STAT1: variants seen among roughly 807,000 people sequenced by gnomAD.
The protein encoded by STAT1 is signal transducer and activator of transcription 1.
In STAT1, 24 loss-of-function variants were observed where a neutral mutation model predicts 111.7. The observed-to-expected ratio is 0.21, with a 90% confidence interval of 0.16 to 0.30. The LOEUF (loss-of-function observed/expected upper bound fraction) is 0.30, where lower values mean the gene tolerates loss of function less well. Among genes scored for constraint, STAT1 ranks in the 10% least tolerant of loss-of-function variants. The probability of loss-of-function intolerance (pLI) is 1.00; values close to 1 mark genes in which losing one functional copy is unlikely to be tolerated. For synonymous variants in STAT1, 332 were observed against 326.5 expected (o/e 1.02, Z -0.18); for missense variants, 351 against 911.9 (o/e 0.38, Z 7.92).
Position 190,996,642 on chromosome 2 carries a change from T to C in STAT1, c.785+1214A>G, listed in dbSNP as rs998554480. On this transcript the variant is annotated intron_variant, in intron 9 of 24. Transcript: ENST00000361099. This position sits in a 1 kb window ranked among gnomAD's most constrained non-coding sequence, Gnocchi z 4.5. ...TGGGGTGCACTGGGCTCAGAAGCTC[T>C]GCTCTAACCCACAAGAAATCTGGGG... Among the ~76,000 whole-genome samples the C allele has an allele frequency of 2.6e-5, 4 of 152,218 alleles. No individual in the cohort carries two copies. The highest frequency in any genetic ancestry group is 2.0e-4 in the Admixed American group (3 of 15,286).
chr2:190,992,457 G>C (rs115286548), intron 10 of STAT1, among the ~76,000 whole-genome samples: 188 of 152,002 alleles, frequency 1.2e-3, no homozygotes, highest in African/African-American at 4.2e-3. Flanking sequence ...GAAGTTAGCT[G>C]TCTTGAGTCA....
Position 190,974,699 on chromosome 2 carries a change from A to G in STAT1, c.2238+131T>C. On this transcript the variant is annotated intron_variant, in intron 24 of 24. Transcript: ENST00000361099. This position sits in a 1 kb window ranked among gnomAD's most constrained non-coding sequence, Gnocchi z 4.8. ...GCTCCAACTTGTCATGGCTCATCTG[A>G]GCACTGCACTCTCCTTGGCTCCGCC... 1.3e-6 allele frequency: 1 copy of G among 779,192 alleles called. No individual in the cohort carries two copies. Among genetic ancestry groups the G allele is most frequent in the East Asian group, 2.6e-5 (1 of 38,182 alleles). The allele number at this position is 779,192 out of a possible 1,614,324, so 48.3% of individuals were successfully genotyped here.
rs1693830313 is a variant in STAT1, at chr2:190,996,039, G to T, written c.786-820C>A. On this transcript the variant is annotated intron_variant, in intron 9 of 24. Transcript: ENST00000361099. The surrounding 1 kb of genome is among the most constrained non-coding windows in gnomAD (Gnocchi z 4.5). ...CAGGACCAGTCAGAGATGTGGGGCA[G>T]AGGGGCAGGAGGAGAGACAGAGATG... Among the ~76,000 whole-genome samples, 2 of 152,272 alleles carry T rather than the reference G, an allele frequency of 1.3e-5. No individual in the cohort carries two copies. The highest frequency in any genetic ancestry group is 4.8e-5 in the African/African-American group (2 of 41,562).
chr2:190,998,152 C>T lies in STAT1; in HGVS notation c.633+65G>A. ...GCTATAATTTTTCCTCTCTTCTAAA[C>T]TTTGAGTCCATTATTTACAGTGTAT... On this transcript the variant is annotated intron_variant, in intron 8 of 24. Coordinates refer to ENST00000361099, the MANE Select transcript of STAT1 (RefSeq NM_007315.4). The surrounding 1 kb of genome is among the most constrained non-coding windows in gnomAD (Gnocchi z 4.1). 1.3e-6 allele frequency: 2 copies of T among 1,571,552 alleles called. No homozygotes were observed. The highest frequency in any genetic ancestry group is 1.8e-6 in the Non-Finnish European group (2 of 1,142,638).
At position 190,986,485 on chromosome 2, in the gene STAT1, C is replaced by G. The variant is rs942766962; in HGVS notation, c.1221+369G>C. On this transcript the variant is annotated intron_variant, in intron 14 of 24. Transcript: ENST00000361099. This position sits in a 1 kb window ranked among gnomAD's most constrained non-coding sequence, Gnocchi z 5.0. Reference sequence around the variant, plus strand: ...GAACACGGGGGCTGAGGAGTGAACCCTGGTGTACAGGACCACACTTGGATC... The same window carrying G: ...GAACACGGGGGCTGAGGAGTGAACCGTGGTGTACAGGACCACACTTGGATC... Among the ~76,000 whole-genome samples, 1 of 152,156 alleles carries G rather than the reference C, an allele frequency of 6.6e-6. No homozygotes were observed.
chr2:190,999,477 G>C lies in STAT1; in HGVS notation c.541+149C>G, dbSNP rs1353166117. 1 of 689,232 alleles carries C rather than the reference G, an allele frequency of 1.5e-6. No homozygotes were observed. The highest frequency in any genetic ancestry group is 1.8e-5 in the African/African-American group (1 of 56,012). The allele number at this position is 689,232 out of a possible 1,614,324, so 42.7% of individuals were successfully genotyped here. The stretch of plus-strand genomic sequence containing the variant: ...ATTAGCCCGAAATGTCAATAATATT[G>C]GATGTTGAGAAGCCCTGGCCTGGGT... On this transcript the variant is annotated intron_variant, in intron 7 of 24. Transcript: ENST00000361099. The surrounding 1 kb of genome is among the most constrained non-coding windows in gnomAD (Gnocchi z 4.1).
In STAT1 at chr2:191,003,721, TA is replaced by T. The variant is rs1420121846; in HGVS notation, c.373-2559del. Among the ~76,000 whole-genome samples the T allele has an allele frequency of 7.2e-5, 11 of 152,162 alleles. No individual in the cohort carries two copies. The highest frequency in any genetic ancestry group is 3.3e-4 in the Admixed American group (5 of 15,286). ...ACAGCCTGCAGAACCATAAGTCAATTAAACCTCTTTTCTTATAAATTACCCA... is the reference window on the plus strand; with the variant it reads ...ACAGCCTGCAGAACCATAAGTCAATTAACCTCTTTTCTTATAAATTACCCA... On this transcript the variant is annotated intron_variant, in intron 5 of 24. Coordinates refer to ENST00000361099, the MANE Select transcript of STAT1 (RefSeq NM_007315.4). The surrounding 1 kb of genome is among the most constrained non-coding windows in gnomAD (Gnocchi z 4.0).
chr2:190,975,652 AATGCT>A lies in STAT1; in HGVS notation c.2135+155_2135+159del. Reference sequence around the variant, plus strand: ...TTTTTTTTTTTTTTTAAAGTAGTAAAATGCTGATAGGCAGTAACACGGGGATCTCA... The same window carrying A: ...TTTTTTTTTTTTTTTAAAGTAGTAAAGATAGGCAGTAACACGGGGATCTCA... On this transcript the variant is annotated intron_variant, in intron 23 of 24. Transcript: ENST00000361099. This position sits in a 1 kb window ranked among gnomAD's most constrained non-coding sequence, Gnocchi z 5.9. 1 of 1,468,692 alleles carries A rather than the reference AATGCT, an allele frequency of 6.8e-7. No homozygotes were observed. The allele number at this position is 1,468,692 out of a possible 1,614,324, so 91.0% of individuals were successfully genotyped here. A position where few individuals can be genotyped will look rare whatever the true frequency, so the allele number is the denominator to read the frequency against.
Position 190,979,112 on chromosome 2 carries a change from G to A in STAT1, c.1728-111C>T, listed in dbSNP as rs1395756222. 4 of 1,346,794 alleles carry A rather than the reference G, an allele frequency of 3.0e-6. No homozygotes were observed. The East Asian group carries it at 7.4e-5, about 25-fold the overall frequency. 83.4% of individuals were successfully genotyped at this position (1,346,794 alleles called of 1,614,324 possible). On this transcript the variant is annotated intron_variant, in intron 20 of 24. Transcript: ENST00000361099. This position sits in a 1 kb window ranked among gnomAD's most constrained non-coding sequence, Gnocchi z 5.8. ...TGGAATGTGAGAAAAAAAACCTACG[G>A]TAAAAAACGTAGACTATTTTAAAAT...
At position 190,982,256 on chromosome 2, in the gene STAT1, C is replaced by G. The variant is rs373555980; in HGVS notation, c.1582+127G>C. ...CTCACTTAGCTATAATAAACTATAG[C>G]TTGAAAAGCTGACAGATTTTAGTAC... On this transcript the variant is annotated intron_variant, in intron 18 of 24. Transcript: ENST00000361099. The surrounding 1 kb of genome is among the most constrained non-coding windows in gnomAD (Gnocchi z 7.3). 7.2e-5 allele frequency: 80 copies of G among 1,105,962 alleles called. No individual in the cohort carries two copies. The East Asian group carries it at 1.8e-3, about 24-fold the overall frequency. The allele number at this position is 1,105,962 out of a possible 1,614,324, so 68.5% of individuals were successfully genotyped here. A position where few individuals can be genotyped will look rare whatever the true frequency, so the allele number is the denominator to read the frequency against.
At chr2:190,992,667 A>T in intron 10 of STAT1, 1 of 1,256,840 alleles carries the variant, frequency 8.0e-7, no homozygotes, top group Non-Finnish European at 1.0e-6. Flanking sequence ...TGACTGCTTG[A>T]CCAGAGTGCT....
rs1283239504 is a variant in STAT1, at chr2:190,995,729, G to A, written c.786-510C>T. The stretch of plus-strand genomic sequence containing the variant: ...CTCTGCCCTCTAGGGAAAAACAAAG[G>A]GAACGAGGCTTGTGCCAGCAGTAGA... On this transcript the variant is annotated intron_variant, in intron 9 of 24. Coordinates refer to ENST00000361099, the MANE Select transcript of STAT1 (RefSeq NM_007315.4). The surrounding 1 kb of genome is among the most constrained non-coding windows in gnomAD (Gnocchi z 4.2). Among the ~76,000 whole-genome samples, 1 of 152,182 alleles carries A rather than the reference G, an allele frequency of 6.6e-6. No individual in the cohort carries two copies. Among genetic ancestry groups the A allele is most frequent in the African/African-American group, 2.4e-5 (1 of 41,432 alleles).
chr2:191,008,203 C>A (rs1029317525), intron 4 of STAT1, among the ~76,000 whole-genome samples: 3 of 151,554 alleles, frequency 2.0e-5, no homozygotes, highest in Admixed American at 2.0e-4. Context: ...ATTTGATTTC[C>A]CCACTCGTAA....
chr2:191,009,836 A>G lies in STAT1; in HGVS notation c.128+40T>C, dbSNP rs200389885. The G allele has an allele frequency of 9.5e-5, 153 of 1,612,156 alleles. 2 individuals are homozygous for G. In the South Asian group the frequency reaches 1.6e-3, roughly 17 times the overall value. On this transcript the variant is annotated intron_variant, in intron 3 of 24. Coordinates refer to ENST00000361099, the MANE Select transcript of STAT1 (RefSeq NM_007315.4). ...GTCACTTAATCAACCAGTACTTTTA[A>G]GGTGTAAACTTCTTCTTCTGTCTAG...
chr2:190,976,762 T>C lies in STAT1; in HGVS notation c.2059+78A>G. 1 of 1,282,220 alleles carries C rather than the reference T, an allele frequency of 7.8e-7. No individual in the cohort carries two copies. The highest frequency in any genetic ancestry group is 1.1e-6 in the Non-Finnish European group (1 of 879,670). 79.4% of individuals were successfully genotyped at this position (1,282,220 alleles called of 1,614,324 possible). A position where few individuals can be genotyped will look rare whatever the true frequency, so the allele number is the denominator to read the frequency against. On this transcript the variant is annotated intron_variant, in intron 22 of 24. Coordinates refer to ENST00000361099, the MANE Select transcript of STAT1 (RefSeq NM_007315.4). The surrounding 1 kb of genome is among the most constrained non-coding windows in gnomAD (Gnocchi z 6.0). The stretch of plus-strand genomic sequence containing the variant: ...ACCAATTCGAAAGCAAAACACTGCA[T>C]GGGTGGAGTTTCAGAATAATCACCC...
At position 190,987,018 on chromosome 2, in the gene STAT1, A is replaced by G; in HGVS notation, c.1127+21T>C. 1.2e-6 allele frequency: 2 copies of G among 1,611,592 alleles called. No individual in the cohort carries two copies. Among genetic ancestry groups the G allele is most frequent in the Non-Finnish European group, 1.7e-6 (2 of 1,177,770 alleles). ...AATAAATAAAAATATAGCACAGTAT[A>G]GCGTAAAGTACGTCACGTACCCTTT... On this transcript the variant is annotated intron_variant, in intron 13 of 24. Transcript: ENST00000361099. This position sits in a 1 kb window ranked among gnomAD's most constrained non-coding sequence, Gnocchi z 4.0.
chr2:190,970,412 C>A lies in STAT1; in HGVS notation c.*291G>T. ...CTTAACTTCTCCTTTCCCAAAGGACCCTCATTCTCGTCCTGATACTTTGGG... is the reference window on the plus strand; with the variant it reads ...CTTAACTTCTCCTTTCCCAAAGGACACTCATTCTCGTCCTGATACTTTGGG... On this transcript the variant is annotated 3_prime_UTR_variant, in exon 25 of 25. Coordinates refer to ENST00000361099, the MANE Select transcript of STAT1 (RefSeq NM_007315.4). This position sits in a 1 kb window ranked among gnomAD's most constrained non-coding sequence, Gnocchi z 5.4. 1 of 490,404 alleles carries A rather than the reference C, an allele frequency of 2.0e-6. No individual in the cohort carries two copies. Among genetic ancestry groups the A allele is most frequent in the Non-Finnish European group, 3.7e-6 (1 of 268,408 alleles). The allele number at this position is 490,404 out of a possible 1,614,324, so 30.4% of individuals were successfully genotyped here.
Position 191,007,095 on chromosome 2 carries a change from G to A in STAT1, c.372+468C>T, listed in dbSNP as rs575010671. ...TCAACATAAGGATCCTTCTATATTG[G>A]TATCACATCCAAAGCATAACCTGAA... On this transcript the variant is annotated intron_variant, in intron 5 of 24. Coordinates refer to ENST00000361099, the MANE Select transcript of STAT1 (RefSeq NM_007315.4). The surrounding 1 kb of genome is among the most constrained non-coding windows in gnomAD (Gnocchi z 4.2). 1.3e-5 allele frequency among the ~76,000 whole-genome samples: 2 copies of A among 152,156 alleles called. No homozygotes were observed.
intron 14 of STAT1, among the ~76,000 whole-genome samples, chr2:190,985,896 G>A (rs1481704801): frequency 2.0e-5 from 3 of 152,182 alleles, no homozygotes; most frequent in Non-Finnish European, 4.4e-5. Context: ...ATCACAACCC[G>A]CTCCTCTCCT....
Sources: gnomAD v4.1 joint callset for allele counts (sites outside exome capture counted in the v4.1 genomes callset) on GRCh38, gnomAD v4.1.1 for gene constraint, Gnocchi (gnomAD v3.1) non-coding constraint, MANE v1.5 for transcripts, NCBI Gene and HGNC (gene_info 2026-07-23, HGNC 2026-07-21) for gene names.